P4HA1: variants seen among roughly 807,000 people sequenced by gnomAD.
P4HA1 encodes the protein prolyl 4-hydroxylase subunit alpha-1.
P4HA1 carries 24 observed loss-of-function variants against 72.8 expected under a neutral mutation model. That is an observed-to-expected ratio of 0.33 (90% CI 0.24 to 0.46). P4HA1 has a LOEUF of 0.46. Ranked by LOEUF, P4HA1 falls within the 20% of genes least tolerant of loss-of-function variation. The probability of loss-of-function intolerance (pLI) is 1.00; values close to 1 mark genes in which losing one functional copy is unlikely to be tolerated. For synonymous variants in P4HA1, 201 were observed against 218.8 expected (o/e 0.92, Z 0.72); for missense variants, 446 against 640.6 (o/e 0.70, Z 3.28).
intron 9 of P4HA1, chr10:73,043,862 A>G (rs776919464): frequency 3.3e-6 from 5 of 1,533,486 alleles, no homozygotes; most frequent in Non-Finnish European, 4.5e-6. Flanking sequence ...AAATATGACT[A>G]AAGTTCTCTC....
chr10:73,077,988 C>CA (rs757941139), intron 1 of P4HA1, among the ~76,000 whole-genome samples: 1,897 of 46,532 alleles, frequency 0.041, 14 homozygotes, highest in African/African-American at 0.066. Context: ...GACCCCATCT[C>CA]AAAAAAAAAA....
At chr10:73,011,719 G>C (rs1199935322) in intron 12 of P4HA1, among the ~76,000 whole-genome samples, 2 of 152,058 alleles carry the variant, frequency 1.3e-5, no homozygotes, top group African/African-American at 4.8e-5. Flanking sequence ...AGAATGTATA[G>C]ACTGATTAGA....
Position 73,079,599 on chromosome 10 carries a change from G to A in P4HA1, c.-32-4684C>T, listed in dbSNP as rs187193652. ...TCTACCAAAAATACAAAAATTAGCC[G>A]GGCGTGGTGGCAGGCGCCTATAATC... is the stretch of plus-strand genomic sequence containing the variant. On this transcript the variant is annotated intron_variant, in intron 1 of 14. Transcript: ENST00000394890. Among the ~76,000 whole-genome samples, 408 of 152,122 alleles carry A rather than the reference G, an allele frequency of 2.7e-3. 2 individuals carry two copies. The highest frequency in any genetic ancestry group is 9.0e-3 in the African/African-American group (373 of 41,528).
chr10:73,077,760 C>T (rs1464802818), intron 1 of P4HA1, among the ~76,000 whole-genome samples: 1 of 151,160 alleles, frequency 6.6e-6, no homozygotes, highest in Admixed American at 6.6e-5. Context: ...GAAAGAGGAT[C>T]ACTTGAGCTC....
In P4HA1 at chr10:73,050,992, A is replaced by G. The variant is rs1841005669; in HGVS notation, c.900+61T>C. 3 of 1,146,222 alleles carry G rather than the reference A, an allele frequency of 2.6e-6. No individual in the cohort carries two copies. The East Asian group carries it at 7.0e-5, about 27-fold the overall frequency. The allele number at this position is 1,146,222 out of a possible 1,614,324, so 71.0% of individuals were successfully genotyped here. ...TATAAAATAACTGATTCTCTCCAGA[A>G]CTGTGTACAAACACATACACACACA... On this transcript the variant is annotated intron_variant, in intron 7 of 14. Transcript: ENST00000394890.
rs1479415505 is a variant in P4HA1 at position 73,037,565 on chromosome 10, ATATATATTTTT to A, written c.1149-7206_1149-7196del. Among the ~76,000 whole-genome samples, 98 of 32,136 alleles carry A rather than the reference ATATATATTTTT, an allele frequency of 3.0e-3. 3 individuals carry two copies. Among genetic ancestry groups the A allele is most frequent in the African/African-American group, 0.011 (89 of 7,754 alleles). 21.1% of individuals were successfully genotyped at this position (32,136 alleles called of 152,430 possible). ...TATATATATATATATATATATATAT[ATATATATTTTT>A]TTTTTTTTTTTTTTACAAAGGCAAA... On this transcript the variant is annotated intron_variant, in intron 9 of 14. Coordinates refer to ENST00000394890, the MANE Select transcript of P4HA1 (RefSeq NM_001017962.3).
rs150785107 is a variant in P4HA1 at position 73,085,774 on chromosome 10, T to C, written c.-32-10859A>G. Among the ~76,000 whole-genome samples, 209 of 152,312 alleles carry C rather than the reference T, an allele frequency of 1.4e-3. 2 individuals are homozygous for C. Among genetic ancestry groups the C allele is most frequent in the Admixed American group, 4.2e-3 (64 of 15,278 alleles). ...AGATGTTCAACATCATTCATCACTA[T>C]GAAAATGCAAATCAATTCCACAATG... On this transcript the variant is annotated intron_variant, in intron 1 of 14. Coordinates refer to ENST00000394890, the MANE Select transcript of P4HA1 (RefSeq NM_001017962.3).
At chr10:73,095,387 A>T (rs1842141896) in intron 1 of P4HA1, among the ~76,000 whole-genome samples, 1 of 152,056 alleles carries the variant, frequency 6.6e-6, no homozygotes, top group South Asian at 2.1e-4. Flanking sequence ...TCCCTTTAAA[A>T]TGTTTTTTAA....
chr10:73,045,188 G>A (rs1840826374), intron 8 of P4HA1, 137 bp from the exon 9 acceptor site: 1 of 613,826 alleles, frequency 1.6e-6, no homozygotes, highest in East Asian at 2.9e-5. Flanking sequence ...CAGTCACCTT[G>A]TGCTGAGCCT....
chr10:73,064,589 C>T (rs1173114475), intron 5 of P4HA1, among the ~76,000 whole-genome samples: 1 of 152,112 alleles, frequency 6.6e-6, no homozygotes, highest in East Asian at 1.9e-4. Flanking sequence ...GCCTTTAATT[C>T]CAGCAGTTCG....
In P4HA1 at chr10:73,016,254, G is replaced by C. The variant is rs144374693; in HGVS notation, c.1302+592C>G. 8.9e-4 allele frequency among the ~76,000 whole-genome samples: 136 copies of C among 152,236 alleles called. 1 individual carries two copies. In the East Asian group the frequency reaches 0.025, roughly 29 times the overall value. ...GAATCCTGTTAGGTCAGTTTAGCCA[G>C]AATCTTCCCTTACCTCTTAGTAATT... On this transcript the variant is annotated intron_variant, in intron 11 of 14. Coordinates refer to ENST00000394890, the MANE Select transcript of P4HA1 (RefSeq NM_001017962.3).
intron 9 of P4HA1, among the ~76,000 whole-genome samples, chr10:73,041,931 A>C (rs1397670036): frequency 6.6e-6 from 1 of 151,264 alleles, no homozygotes; most frequent in African/African-American, 2.4e-5. Flanking sequence ...TGTAGCCTCA[A>C]CCTCCTCAGG....
At chr10:73,049,217 T>C (rs1211272160) in intron 7 of P4HA1, among the ~76,000 whole-genome samples, 1 of 152,222 alleles carries the variant, frequency 6.6e-6, no homozygotes, top group Non-Finnish European at 1.5e-5. Flanking sequence ...AACCTATCTA[T>C]TGAAAGTGTC....
chr10:73,028,345 C>CACACACAA (rs34854861), intron 10 of P4HA1, among the ~76,000 whole-genome samples: 9 of 146,048 alleles, frequency 6.2e-5, no homozygotes, highest in African/African-American at 2.3e-4. Flanking sequence ...CACACACACA[C>CACACACAA]AAAATACATT....
At chr10:73,040,247 A>G (rs1028359061) in intron 9 of P4HA1, among the ~76,000 whole-genome samples, 3 of 152,100 alleles carry the variant, frequency 2.0e-5, no homozygotes, top group African/African-American at 4.8e-5. Context: ...CAAAAATCCA[A>G]TAAAACTGCT....
intron 8 of P4HA1, among the ~76,000 whole-genome samples, 179 bp from the exon 9 acceptor site, chr10:73,045,230 G>GT (rs368227568): frequency 0.051 from 7,462 of 145,034 alleles, 573 homozygotes; most frequent in African/African-American, 0.17. Context: ...GGTTTTTGGG[G>GT]TTTTTTTTTT....
rs533747356 is a variant in P4HA1 at position 73,012,516 on chromosome 10, T to C, written c.1369-1479A>G. 5.3e-5 allele frequency among the ~76,000 whole-genome samples: 8 copies of C among 152,252 alleles called. No homozygotes were observed. The East Asian group carries it at 9.7e-4, about 18-fold the overall frequency. Reference sequence around the variant, plus strand: ...TTTATATGAATCTTTGTAATGTACCTTACCTCCTTTTGGAAACAAGATGGA... The same window carrying C: ...TTTATATGAATCTTTGTAATGTACCCTACCTCCTTTTGGAAACAAGATGGA... On this transcript the variant is annotated intron_variant, in intron 12 of 14. Transcript: ENST00000394890.
At chr10:73,078,934 G>A (rs1406160501) in intron 1 of P4HA1, among the ~76,000 whole-genome samples, 1 of 151,808 alleles carries the variant, frequency 6.6e-6, no homozygotes, top group African/African-American at 2.4e-5. Flanking sequence ...TTATATCTCT[G>A]TATTTTCCAG....
At chr10:73,073,627 TA>T in intron 3 of P4HA1, 103 bp downstream of exon 3, 1 of 685,170 alleles carries the variant, frequency 1.5e-6, no homozygotes, top group Non-Finnish European at 2.6e-6. Flanking sequence ...ACTGGCTTTG[TA>T]AGACTCAAAA....
Sources: allele counts gnomAD v4.1 joint callset (sites outside exome capture counted in the v4.1 genomes callset), GRCh38; gene constraint gnomAD v4.1.1; transcripts MANE v1.5; gene names NCBI Gene and HGNC (gene_info 2026-07-23, HGNC 2026-07-21).